Variants in RUNX1T1 observed in about 807,000 individuals in gnomAD.
RUNX1T1 encodes protein CBFA2T1.
RUNX1T1 carries 4 observed loss-of-function variants against 62.8 expected under a neutral mutation model. The ratio of observed to expected loss-of-function variants is 0.06; its 90% CI spans 0.03 to 0.15. The LOEUF (loss-of-function observed/expected upper bound fraction) is 0.15. Ranked by LOEUF, RUNX1T1 falls within the 10% of genes least tolerant of loss-of-function variation. RUNX1T1 has a pLI of 1.00. For missense variants in RUNX1T1, 508 were observed against 754.3 expected, an observed-to-expected ratio of 0.67 and a Z score of 3.82; for synonymous variants, 291 against 286.0, an observed-to-expected ratio of 1.02 and a Z score of -0.18.
At chr8:92,024,321 CA>C (rs1273750290) in intron 1 of RUNX1T1, among the ~76,000 whole-genome samples, 4 of 151,676 alleles carry the variant, frequency 2.6e-5, no homozygotes, top group Non-Finnish European at 5.9e-5. Flanking sequence ...CCACCCTGGC[CA>C]ACATGGTAAA....
chr8:92,092,523 T>C (rs960082663), intron 1 of RUNX1T1, among the ~76,000 whole-genome samples: 1 of 152,184 alleles, frequency 6.6e-6, no homozygotes, highest in Non-Finnish European at 1.5e-5. Flanking sequence ...TGCAGGTATA[T>C]TAAAGGTAAA....
chr8:92,072,236 T>C (rs989051267), intron 2 of RUNX1T1, among the ~76,000 whole-genome samples: 8 of 152,162 alleles, frequency 5.3e-5, no homozygotes, highest in Non-Finnish European at 1.0e-4. Context: ...AATTAAACAT[T>C]TGTTGTGTTA....
At position 92,027,137 on chromosome 8, in the gene RUNX1T1, AAAAC is replaced by A. The variant is rs1295322659; in HGVS notation, c.8-9778_8-9775del. On this transcript the variant is annotated intron_variant, in intron 1 of 10. Coordinates refer to ENST00000396218, the Ensembl canonical transcript of RUNX1T1. Reference sequence around the variant, plus strand: ...TCTCAAAAAAAAAAAAAAAAAAAGAAAAACAAACAAACAAAAAAAGCATCTTCCA... The same window carrying A: ...TCTCAAAAAAAAAAAAAAAAAAAGAAAAACAAACAAAAAAAGCATCTTCCA... 3.8e-4 allele frequency among the ~76,000 whole-genome samples: 57 copies of A among 151,438 alleles called. No homozygotes were observed. The East Asian group carries it at 5.8e-3, about 15-fold the overall frequency.
intron 5 of RUNX1T1, chr8:92,004,515 T>C (rs1405995381): frequency 6.6e-6 from 1 of 152,214 alleles, no homozygotes; most frequent in Non-Finnish European, 1.5e-5. Context: ...TTCTTAGTTA[T>C]GAGAGCACAG....
At chr8:91,987,050 C>CT in intron 6 of RUNX1T1, 78 bp from the exon 8 acceptor site, 1 of 914,402 alleles carries the variant, frequency 1.1e-6, no homozygotes, top group Non-Finnish European at 1.8e-6. Context: ...ATAGCAAGGA[C>CT]TATGTGGGCA....
intron 1 of RUNX1T1, among the ~76,000 whole-genome samples, chr8:92,029,566 T>G (rs897579026): frequency 1.2e-4 from 18 of 152,022 alleles, no homozygotes; most frequent in African/African-American, 4.3e-4. Flanking sequence ...ACAGGATAAG[T>G]TCAACTTCAT....
At chr8:92,018,230 A>G (rs971960446) in intron 1 of RUNX1T1, among the ~76,000 whole-genome samples, 1 of 152,160 alleles carries the variant, frequency 6.6e-6, no homozygotes, top group East Asian at 1.9e-4. Context: ...TCTCAATCTA[A>G]TCTACTTATC....
chr8:92,076,193 T>A (rs756015685), intron 1 of RUNX1T1, 56 bp from the exon 2 acceptor site: 76 of 1,359,098 alleles, frequency 5.6e-5, no homozygotes, highest in Non-Finnish European at 7.1e-5. Context: ...GTCTGAAGTA[T>A]CATACCCATC....
intron 1 of RUNX1T1, among the ~76,000 whole-genome samples, chr8:92,091,008 A>T (rs1836910712): frequency 6.6e-6 from 1 of 152,214 alleles, no homozygotes; most frequent in Non-Finnish European, 1.5e-5. Flanking sequence ...ACAACTAAGT[A>T]GCAGCCCTCA....
chr8:91,956,300 A>T (rs992540836), downstream of RUNX1T1: 2 of 231,176 alleles, frequency 8.7e-6, no homozygotes, highest in African/African-American at 4.4e-5. Flanking sequence ...CCCCTTATGA[A>T]TGAGCTCGAC....
At chr8:92,009,943 TAATAATAACA>T (rs1198175962) in intron 4 of RUNX1T1, 1 of 152,176 alleles carries the variant, frequency 6.6e-6, no homozygotes, top group Non-Finnish European at 1.5e-5. Context: ...CATTTCACCT[TAATAATAACA>T]ACAGGAAAGA....
chr8:92,027,369 A>G (rs1169729569), intron 1 of RUNX1T1, among the ~76,000 whole-genome samples: 1 of 152,106 alleles, frequency 6.6e-6, no homozygotes, highest in Non-Finnish European at 1.5e-5. Context: ...CTGAAATGTT[A>G]CCCTAGAAAT....
At chr8:92,047,668 T>A (rs76901483) in intron 1 of RUNX1T1, among the ~76,000 whole-genome samples, 2,686 of 152,024 alleles carry the variant, frequency 0.018, 34 homozygotes, top group South Asian at 0.044. Flanking sequence ...CTTACAGACC[T>A]ATCATAACTG....
At chr8:92,039,491 C>A (rs1828040511) in intron 1 of RUNX1T1, among the ~76,000 whole-genome samples, 1 of 152,160 alleles carries the variant, frequency 6.6e-6, no homozygotes, top group African/African-American at 2.4e-5. Flanking sequence ...TCTTTTCAAG[C>A]CTTTCCTCTC....
chr8:91,973,602 T>C (rs1032452809), intron 9 of RUNX1T1, among the ~76,000 whole-genome samples: 3 of 152,050 alleles, frequency 2.0e-5, no homozygotes, highest in Admixed American at 2.0e-4. Context: ...AGACACACTT[T>C]ATAGATTTTC....
At chr8:92,100,675 C>G (rs1837993468), upstream of RUNX1T1, among the ~76,000 whole-genome samples, 1 of 152,060 alleles carries the variant, frequency 6.6e-6, no homozygotes, top group East Asian at 1.9e-4. Flanking sequence ...TGTCAGACTT[C>G]TCTGAAACAA....
Position 92,062,484 on chromosome 8 carries a change from T to C in RUNX1T1, c.7+62A>G, listed in dbSNP as rs1475065997. 3.3e-6 allele frequency: 5 copies of C among 1,534,964 alleles called. No individual in the cohort carries two copies. In the East Asian group the frequency reaches 9.0e-5, roughly 28 times the overall value. ...TGGGGCAGAAGGTATTTTCCATGCA[T>C]AATAGAAAGTAAGCTTTCTTCATTG... On this transcript the variant is annotated intron_variant, in intron 1 of 10. Coordinates refer to ENST00000396218, the Ensembl canonical transcript of RUNX1T1.
At chr8:91,981,607 G>A (rs1815294784) in intron 8 of RUNX1T1, among the ~76,000 whole-genome samples, 1 of 151,160 alleles carries the variant, frequency 6.6e-6, no homozygotes, top group South Asian at 2.1e-4. Flanking sequence ...AGCATAGACG[G>A]GGTTTCACCG....
intron 1 of RUNX1T1, among the ~76,000 whole-genome samples, chr8:92,077,331 T>C (rs1320707954): frequency 6.6e-6 from 1 of 152,104 alleles, no homozygotes; most frequent in Non-Finnish European, 1.5e-5. Context: ...TTACTATAAA[T>C]ACTAACAATT....
Sources: gnomAD v4.1 joint callset for allele counts (sites outside exome capture counted in the v4.1 genomes callset) on GRCh38, gnomAD v4.1.1 for gene constraint, MANE v1.5 for transcripts, NCBI Gene and HGNC (gene_info 2026-07-23, HGNC 2026-07-21) for gene names.